Variants in WDR7 observed in about 807,000 individuals in gnomAD.
WDR7 encodes the protein WD repeat-containing protein 7.
Under a neutral mutation model 169.4 loss-of-function variants are expected in WDR7, and 46 were observed. That is an observed-to-expected ratio of 0.27 (90% CI 0.21 to 0.35). WDR7 has a LOEUF of 0.35. Ranked by LOEUF, WDR7 falls within the 10% of genes least tolerant of loss-of-function variation. The pLI is 1.00. For missense variants in WDR7, 1,534 were observed against 1,859.3 expected (o/e 0.83, Z 3.22); for synonymous variants, 612 against 666.8 (o/e 0.92, Z 1.27).
chr18:56,748,053 G>A (rs72931212), intron 14 of WDR7, among the ~76,000 whole-genome samples: 4,965 of 152,180 alleles, frequency 0.033, 118 homozygotes, highest in South Asian at 0.049. Flanking sequence ...GAGCTCTTTG[G>A]ACTTTTGCAT....
chr18:56,873,845 T>C (rs1045729237), intron 20 of WDR7: 1 of 152,236 alleles, frequency 6.6e-6, no homozygotes, highest in South Asian at 2.1e-4. Context: ...CACCAGGCTC[T>C]CTGTCTGAGC....
intron 26 of WDR7, among the ~76,000 whole-genome samples, chr18:56,987,665 G>C (rs772611196): frequency 6.6e-6 from 1 of 152,120 alleles, no homozygotes; most frequent in Non-Finnish European, 1.5e-5. Flanking sequence ...TTGGTGCTAT[G>C]ATTTTTTTTC....
chr18:56,731,079 G>C (rs1436250908), intron 13 of WDR7, among the ~76,000 whole-genome samples: 1 of 152,146 alleles, frequency 6.6e-6, no homozygotes, highest in Non-Finnish European at 1.5e-5. Context: ...TGGGACAGGA[G>C]TAGTCAAGAA....
At chr18:56,857,721 T>C (rs1216528982) in intron 20 of WDR7, among the ~76,000 whole-genome samples, 6 of 151,936 alleles carry the variant, frequency 3.9e-5, no homozygotes, top group Non-Finnish European at 5.9e-5. Flanking sequence ...CTATAGGAAA[T>C]AGAGGGATAA....
intron 26 of WDR7, among the ~76,000 whole-genome samples, chr18:56,996,746 A>G (rs1261997639): frequency 1.3e-5 from 2 of 152,218 alleles, no homozygotes; most frequent in Non-Finnish European, 2.9e-5. Flanking sequence ...TTCAGCTTTC[A>G]ATCAGTACAA....
At chr18:56,658,150 C>G (rs537915850) in intron 1 of WDR7, among the ~76,000 whole-genome samples, 2 of 152,286 alleles carry the variant, frequency 1.3e-5, no homozygotes, top group South Asian at 4.1e-4. Flanking sequence ...GTCGCCCAGG[C>G]TAGAGTGCAG....
In WDR7 at chr18:56,790,767, A is replaced by C. The variant is rs145531741; in HGVS notation, c.3190+9111A>C. Among the ~76,000 whole-genome samples, 484 of 152,156 alleles carry C rather than the reference A, an allele frequency of 3.2e-3. 1 individual carries two copies. Among genetic ancestry groups the C allele is most frequent in the African/African-American group, 0.011 (462 of 41,552 alleles). On this transcript the variant is annotated intron_variant, in intron 19 of 27. Coordinates refer to ENST00000254442, the MANE Select transcript of WDR7 (RefSeq NM_015285.3). ...ATTTTGATACAAATATGTATTTTAA[A>C]TATGTTTTAATATTTATAAATGGTT...
chr18:56,834,522 C>G (rs1431700729), intron 20 of WDR7, among the ~76,000 whole-genome samples: 1 of 151,868 alleles, frequency 6.6e-6, no homozygotes, highest in African/African-American at 2.4e-5. Flanking sequence ...CTTTGTCCTT[C>G]AACAATATCT....
chr18:56,668,824 A>C (rs1021081873), intron 1 of WDR7, among the ~76,000 whole-genome samples: 8 of 152,154 alleles, frequency 5.3e-5, no homozygotes, highest in African/African-American at 1.7e-4. Context: ...GGAAAGTCCA[A>C]CCTTATTGAA....
At chr18:56,932,376 A>G (rs1307298033) in intron 22 of WDR7, among the ~76,000 whole-genome samples, 1 of 152,134 alleles carries the variant, frequency 6.6e-6, no homozygotes, top group East Asian at 1.9e-4. Flanking sequence ...CCCTTACCCT[A>G]TAGCTTCTCT....
At chr18:56,941,755 G>A (rs781330103) in intron 25 of WDR7, among the ~76,000 whole-genome samples, 1 of 152,154 alleles carries the variant, frequency 6.6e-6, no homozygotes, top group Non-Finnish European at 1.5e-5. Flanking sequence ...TTTCTCCTCA[G>A]GTCCATGTGG....
At position 56,759,142 on chromosome 18, in the gene WDR7, T is replaced by C. The variant is rs563937989; in HGVS notation, c.2848+189T>C. ...GGATAAATCAGATTTATTTAGAAAG[T>C]GATAAATGAGCATATTTCAGATAAT... On this transcript the variant is annotated intron_variant, in intron 16 of 27. Transcript: ENST00000254442. Among the ~76,000 whole-genome samples, 6 of 152,310 alleles carry C rather than the reference T, an allele frequency of 3.9e-5. No individual in the cohort carries two copies. In the South Asian group the frequency reaches 1.2e-3, roughly 32 times the overall value.
At position 56,700,561 on chromosome 18, in the gene WDR7, G is replaced by GTGTCT. The variant is rs1409253621; in HGVS notation, c.1578+4100_1578+4101insGTCTT. On this transcript the variant is annotated intron_variant, in intron 12 of 27. Transcript: ENST00000254442. ...TGAGCCACTGCGCCTGGCCAATATT[G>GTGTCT]TTTCTTTTTTTTTTTTTTTTTTTTT... is the stretch of plus-strand genomic sequence containing the variant. 1.4e-4 allele frequency among the ~76,000 whole-genome samples: 6 copies of GTGTCT among 43,620 alleles called. 1 individual carries two copies. In the East Asian group the frequency reaches 2.4e-3, roughly 17 times the overall value. 28.6% of individuals were successfully genotyped at this position (43,620 alleles called of 152,430 possible).
chr18:56,754,247 TTGTG>T (rs71169393), intron 14 of WDR7, among the ~76,000 whole-genome samples: 9,780 of 141,560 alleles, frequency 0.069, 399 homozygotes, highest in East Asian at 0.12. Flanking sequence ...GTTTTGTGCT[TTGTG>T]TGTGTGTGTG....
At chr18:56,768,062 A>G (rs954817541) in intron 16 of WDR7, among the ~76,000 whole-genome samples, 3 of 152,224 alleles carry the variant, frequency 2.0e-5, no homozygotes, top group African/African-American at 7.2e-5. Context: ...CTCTGTAATC[A>G]TAATAGATGG....
intron 22 of WDR7, among the ~76,000 whole-genome samples, chr18:56,931,468 A>T (rs2046883231): frequency 6.6e-6 from 1 of 151,452 alleles, no homozygotes; most frequent in Non-Finnish European, 1.5e-5. Flanking sequence ...AGCTTAAATG[A>T]TTTTTTTTTC....
At chr18:56,886,640 T>C (rs1396164828) in intron 21 of WDR7, among the ~76,000 whole-genome samples, 3 of 152,204 alleles carry the variant, frequency 2.0e-5, no homozygotes, top group East Asian at 3.9e-4. Context: ...TAACATTGAA[T>C]GTAAATGGCC....
chr18:56,803,655 AAG>A (rs1028942594), intron 19 of WDR7, among the ~76,000 whole-genome samples: 1 of 152,202 alleles, frequency 6.6e-6, no homozygotes, highest in Admixed American at 6.5e-5. Context: ...AGTTAGGAAA[AAG>A]AGAATAACAA....
chr18:56,923,000 G>A (rs887296551), intron 21 of WDR7, among the ~76,000 whole-genome samples: 1 of 152,134 alleles, frequency 6.6e-6, no homozygotes, highest in African/African-American at 2.4e-5. Flanking sequence ...CCCCCGATAA[G>A]TTATGGAACC....
Sources: gnomAD v4.1 joint callset for allele counts (sites outside exome capture counted in the v4.1 genomes callset) on GRCh38, gnomAD v4.1.1 for gene constraint, MANE v1.5 for transcripts, NCBI Gene and HGNC (gene_info 2026-07-23, HGNC 2026-07-21) for gene names.